CCDC180: variants seen among roughly 807,000 people sequenced by gnomAD.
The protein encoded by CCDC180 is coiled-coil domain-containing protein 180.
CCDC180 carries 154 observed loss-of-function variants against 209.2 expected under a neutral mutation model. That is an observed-to-expected ratio of 0.74 (90% confidence interval 0.65 to 0.84). The LOEUF is 0.84. CCDC180 is among the 40% of genes least tolerant of loss of function. The pLI, the probability that CCDC180 is intolerant of heterozygous loss-of-function variation, is 0.00. For missense variants in CCDC180, 1,874 were observed against 1,997.3 expected (o/e 0.94, Z 1.18); for synonymous variants, 778 against 749.1 (o/e 1.04, Z -0.63).
Position 97,347,514 on chromosome 9 carries a change from T to C in CCDC180, c.2674+25T>C. 3 of 1,530,336 alleles carry C rather than the reference T, an allele frequency of 2.0e-6. No individual in the cohort carries two copies. The South Asian group carries it at 3.6e-5, about 18-fold the overall frequency. The allele number at this position is 1,530,336 out of a possible 1,614,324, so 94.8% of individuals were successfully genotyped here. On this transcript the variant is annotated intron_variant, in intron 20 of 36. Transcript: ENST00000529487. ...GGTACAGATGCTGCCTGGGAATGTC[T>C]GCCCTGCCCGCAGCCACTCCTTCAG...
chr9:97,315,083 G>C (rs982668794), intron 8 of CCDC180, 137 bp downstream of exon 8: 1 of 626,470 alleles, frequency 1.6e-6, no homozygotes, highest in Admixed American at 2.9e-5. Flanking sequence ...GGGCTCAGGT[G>C]GGCCTCTGAG....
rs146860764 is a variant in CCDC180 at position 97,311,830 on chromosome 9, G to T, written c.261-283G>T. 8.2e-3 allele frequency among the ~76,000 whole-genome samples: 1,241 copies of T among 152,236 alleles called. 12 individuals are homozygous for T. The highest frequency in any genetic ancestry group is 0.028 in the African/African-American group (1,166 of 41,524). ...TTTCCCCAGGTGGGAAGTGGCTCAG[G>T]CTCATCATCCACACTTGACCACCAG... On this transcript the variant is annotated intron_variant, in intron 3 of 36. Coordinates refer to ENST00000529487, the MANE Select transcript of CCDC180 (RefSeq NM_020893.6).
chr9:97,373,224 A>G (rs1228121529), intron 34 of CCDC180: 1 of 152,260 alleles, frequency 6.6e-6, no homozygotes, highest in Non-Finnish European at 1.5e-5. Flanking sequence ...AATAATGTGC[A>G]TATTACTTTT....
At chr9:97,374,709 T>G (rs1201932435) in intron 35 of CCDC180, 61 bp downstream of exon 35, 1 of 1,373,780 alleles carries the variant, frequency 7.3e-7, no homozygotes, top group Non-Finnish European at 1.0e-6. Context: ...GGTGGTGCAG[T>G]GTAATGGTTA....
chr9:97,357,153 A>T (rs1293149667), intron 24 of CCDC180, among the ~76,000 whole-genome samples: 1 of 152,220 alleles, frequency 6.6e-6, no homozygotes. Context: ...CGCCTCCTGG[A>T]AGCCACAGTC....
intron 27 of CCDC180, 39 bp downstream of exon 27, chr9:97,361,937 C>G (rs1313910986): frequency 1.9e-6 from 3 of 1,600,934 alleles, no homozygotes; most frequent in Non-Finnish European, 1.7e-6. Flanking sequence ...TCTGCCACCC[C>G]TGCCCCTGGC....
upstream of CCDC180, chr9:97,307,589 T>A (rs776991886): frequency 1.6e-4 from 113 of 711,518 alleles, no homozygotes; most frequent in Non-Finnish European, 2.4e-4. Context: ...CTGTGTCCCA[T>A]GGAGGGTGGA....
intron 8 of CCDC180, among the ~76,000 whole-genome samples, chr9:97,315,379 T>C (rs1833134690): frequency 6.6e-6 from 1 of 152,170 alleles, no homozygotes; most frequent in Non-Finnish European, 1.5e-5. Flanking sequence ...TGTCTGGCTT[T>C]TCTGCCTCTT....
intron 11 of CCDC180, 44 bp downstream of exon 11, chr9:97,320,249 G>C: frequency 6.5e-7 from 1 of 1,545,304 alleles, no homozygotes; most frequent in African/African-American, 1.4e-5. Flanking sequence ...CTCCAGAACT[G>C]TTTAAGCAGT....
intron 24 of CCDC180, among the ~76,000 whole-genome samples, 164 bp downstream of exon 24, chr9:97,355,172 TG>T (rs1826543272): frequency 6.6e-6 from 1 of 152,280 alleles, no homozygotes; most frequent in Admixed American, 6.5e-5. Flanking sequence ...TTCTTTTTTT[TG>T]AGACAGGGTC....
Position 97,328,136 on chromosome 9 carries a change from T to C in CCDC180, c.1778T>C (p.Ile593Thr), listed in dbSNP as rs1833597511. The C allele has an allele frequency of 8.1e-6, 13 of 1,613,924 alleles. No homozygotes were observed. Among genetic ancestry groups the C allele is most frequent in the Non-Finnish European group, 1.1e-5 (13 of 1,179,878 alleles). The change falls in exon 16 of 37, where the codon ATC becomes ACC. Residue 593 changes from isoleucine (I) to threonine (T), a missense_variant. By Grantham distance (89) the Ile-to-Thr change is moderately conservative. Transcript: ENST00000529487. The stretch of plus-strand genomic sequence containing the variant: ...AGCCAATACTTCTTTGTGCGTGAAA[T>C]CTTTGAACAGGTATGGAGAGGGTGA... ...ALSQYFFVRE[I>T]FEQNLAGEVI...
intron 18 of CCDC180, among the ~76,000 whole-genome samples, chr9:97,332,812 G>A (rs1825791160): frequency 6.6e-6 from 1 of 152,136 alleles, no homozygotes. Flanking sequence ...AATGTCATCT[G>A]CAAACAGGAT....
chr9:97,317,237 C>CGCCCACACAGCTCCTTCTCCA lies in CCDC180; in HGVS notation c.959+16_959+36dup. ...CTGCTGCAGAGTTTCAGGTCAGTGC[C>CGCCCACACAGCTCCTTCTCCA]GCCCACACAGCTCCTTCTCCAGCCC... On this transcript the variant is annotated intron_variant, in intron 9 of 36. Transcript: ENST00000529487. 2 of 1,561,214 alleles carry CGCCCACACAGCTCCTTCTCCA rather than the reference C, an allele frequency of 1.3e-6. No homozygotes were observed. The highest frequency in any genetic ancestry group is 1.7e-6 in the Non-Finnish European group (2 of 1,144,426).
rs1826623029 is a variant in CCDC180 at position 97,357,738 on chromosome 9, T to C, written c.3363+13T>C. On this transcript the variant is annotated intron_variant, in intron 25 of 36. Coordinates refer to ENST00000529487, the MANE Select transcript of CCDC180 (RefSeq NM_020893.6). ...GGGAGAGAAAACCGTAAGTGTTCAA[T>C]AGATTCTGCATGTGAATAATAAAGA... The C allele has an allele frequency of 6.5e-7, 1 of 1,545,750 alleles. No homozygotes were observed. Among genetic ancestry groups the C allele is most frequent in the African/African-American group, 1.4e-5 (1 of 72,984 alleles).
At chr9:97,360,419 C>T (rs1223734362) in intron 26 of CCDC180, among the ~76,000 whole-genome samples, 1 of 152,124 alleles carries the variant, frequency 6.6e-6, no homozygotes, top group Non-Finnish European at 1.5e-5. Context: ...CCTCTTCCTT[C>T]CCACCTGCAC....
chr9:97,373,297 T>C (rs1192197541), intron 34 of CCDC180: 1 of 152,220 alleles, frequency 6.6e-6, no homozygotes, highest in Non-Finnish European at 1.5e-5. Flanking sequence ...TATAAAGTAA[T>C]TAAAATGCAT....
At chr9:97,372,208 T>TA (rs1359952215) in intron 34 of CCDC180, 1 of 152,264 alleles carries the variant, frequency 6.6e-6, no homozygotes, top group African/African-American at 2.4e-5. Flanking sequence ...CTAGTCACTG[T>TA]AAAAAATGCT....
intron 11 of CCDC180, 54 bp from the exon 12 acceptor site, chr9:97,322,779 T>G (rs544214581): frequency 6.5e-7 from 1 of 1,526,858 alleles, no homozygotes; most frequent in Non-Finnish European, 9.1e-7. Flanking sequence ...GACACTCCCC[T>G]TTCTAATCTT....
At chr9:97,308,303 T>G (rs1221006760) in intron 2 of CCDC180, among the ~76,000 whole-genome samples, 171 bp downstream of exon 2, 1 of 152,242 alleles carries the variant, frequency 6.6e-6, no homozygotes, top group Non-Finnish European at 1.5e-5. Context: ...CAATACAAAA[T>G]TAGAATGTCA....
Sources: gnomAD v4.1 joint callset for allele counts (sites outside exome capture counted in the v4.1 genomes callset) on GRCh38, gnomAD v4.1.1 for gene constraint, MANE v1.5 for transcripts, NCBI Gene and HGNC (gene_info 2026-07-23, HGNC 2026-07-21) for gene names.